Variants in CDH7 observed in about 807,000 individuals in gnomAD.
CDH7 encodes the protein cadherin-7.
A neutral mutation model predicts 71.8 loss-of-function variants in CDH7; 25 were observed. That is an observed-to-expected ratio of 0.35 (90% CI 0.25 to 0.49). The LOEUF is 0.49. Ranked by LOEUF, CDH7 falls within the 20% of genes least tolerant of loss-of-function variation. CDH7 has a pLI of 0.99. For synonymous variants in CDH7, 381 were observed against 363.8 expected (o/e 1.05, Z -0.54); for missense variants, 862 against 974.6 (o/e 0.88, Z 1.54).
At chr18:65,808,861 G>A (rs1281106726) in intron 2 of CDH7, among the ~76,000 whole-genome samples, 2 of 152,150 alleles carry the variant, frequency 1.3e-5, no homozygotes, top group Admixed American at 6.6e-5. Context: ...GGATTGAGTA[G>A]CGCGTTTGTC....
chr18:65,792,390 A>G (rs2143860909), intron 2 of CDH7, among the ~76,000 whole-genome samples: 1 of 152,218 alleles, frequency 6.6e-6, no homozygotes, highest in African/African-American at 2.4e-5. Context: ...GTAAACCTTG[A>G]AAAGGTTCCC....
intron 2 of CDH7, among the ~76,000 whole-genome samples, chr18:65,781,672 C>A (rs1910192411): frequency 6.6e-6 from 1 of 152,012 alleles, no homozygotes. Flanking sequence ...TCTGTCACAT[C>A]TTAATAGCTG....
intron 4 of CDH7, among the ~76,000 whole-genome samples, chr18:65,818,127 T>A (rs4941355): frequency 0.88 from 133,249 of 152,186 alleles, 59,596 homozygotes; most frequent in East Asian, 0.99. Flanking sequence ...TAAAATATAA[T>A]GCGGTATATT....
chr18:65,880,353 C>T, intron 11 of CDH7, 48 bp from the exon 12 acceptor site: 1 of 1,506,122 alleles, frequency 6.6e-7, no homozygotes, highest in South Asian at 1.4e-5. Context: ...TGACGTGGGG[C>T]AATGGGTGAG....
rs557450699 is a variant in CDH7, at chr18:65,814,474, T to C, written c.506-11T>C. ...AGTTTTTAATTCAGTGGTTTTGGGA[T>C]TGGCATCTAGGGACCTCAGTGGTAC... On this transcript the variant is annotated splice_polypyrimidine_tract_variant and intron_variant, in intron 3 of 11. Coordinates refer to ENST00000397968, the MANE Select transcript of CDH7 (RefSeq NM_004361.5). 3 of 1,613,950 alleles carry C rather than the reference T, an allele frequency of 1.9e-6. No individual in the cohort carries two copies. Among genetic ancestry groups the C allele is most frequent in the Non-Finnish European group, 2.5e-6 (3 of 1,179,888 alleles).
At chr18:65,822,998 G>T (rs900705252) in intron 5 of CDH7, among the ~76,000 whole-genome samples, 7 of 151,742 alleles carry the variant, frequency 4.6e-5, no homozygotes, top group African/African-American at 1.7e-4. Flanking sequence ...AGAAAATAAA[G>T]AGATTGTACA....
chr18:65,775,904 CCCT>C (rs1909924731), intron 2 of CDH7, among the ~76,000 whole-genome samples: 1 of 152,156 alleles, frequency 6.6e-6, no homozygotes, highest in South Asian at 2.1e-4. Flanking sequence ...TGCCAGGTAT[CCCT>C]CCTCCTCAAA....
chr18:65,777,929 C>T (rs1408427162), intron 2 of CDH7, among the ~76,000 whole-genome samples: 2 of 152,076 alleles, frequency 1.3e-5, no homozygotes, highest in South Asian at 2.1e-4. Context: ...TTATGCTGAT[C>T]TACAAGAAAA....
intron 2 of CDH7, among the ~76,000 whole-genome samples, chr18:65,775,450 T>A (rs570103367): frequency 1.3e-5 from 2 of 152,346 alleles, no homozygotes; most frequent in East Asian, 3.9e-4. Flanking sequence ...TAGTTGTTAA[T>A]AATAGTGGTA....
chr18:65,857,770 C>A (rs1913415601), intron 7 of CDH7, 46 bp from the exon 8 acceptor site: 5 of 1,580,758 alleles, frequency 3.2e-6, no homozygotes, highest in South Asian at 1.1e-5. Context: ...AAATTATAAT[C>A]AAACGTACAT....
chr18:65,838,043 G>C (rs999608810), intron 6 of CDH7, among the ~76,000 whole-genome samples: 6 of 150,570 alleles, frequency 4.0e-5, no homozygotes, highest in Non-Finnish European at 8.8e-5. Context: ...TCCTGCCTCA[G>C]CCTCTCCAGT....
At position 65,885,999 on chromosome 18, in the gene CDH7, T is replaced by C. The variant is rs1914366486; in HGVS notation, c.*5105T>C. The C allele has an allele frequency of 6.6e-6, 1 of 152,202 alleles. No homozygotes were observed. Among genetic ancestry groups the C allele is most frequent in the East Asian group, 1.9e-4 (1 of 5,190 alleles). The allele number at this position is 152,202 out of a possible 1,614,324, so 9.4% of individuals were successfully genotyped here. A position where few individuals can be genotyped will look rare whatever the true frequency, so the allele number is the denominator to read the frequency against. On this transcript the variant is annotated 3_prime_UTR_variant, in exon 12 of 12. Coordinates refer to ENST00000397968, the MANE Select transcript of CDH7 (RefSeq NM_004361.5). ...TGAATTATTTGTTATTAAATGTTACTGGGCTTTGGTGTCAGTGTGGTATAC... is the reference window on the plus strand; with the variant it reads ...TGAATTATTTGTTATTAAATGTTACCGGGCTTTGGTGTCAGTGTGGTATAC...
At chr18:65,817,808 T>A in intron 4 of CDH7, among the ~76,000 whole-genome samples, 1 of 152,322 alleles carries the variant, frequency 6.6e-6, no homozygotes, top group East Asian at 1.9e-4. Context: ...AATTCATTTA[T>A]AATTTGCATT....
chr18:65,755,241 C>G (rs12960823), intron 1 of CDH7, among the ~76,000 whole-genome samples: 54,066 of 151,974 alleles, frequency 0.36, 10,003 homozygotes, highest in Middle Eastern at 0.48. Context: ...GGATCAGTAC[C>G]TAGCTGTGTG....
chr18:65,771,669 C>G (rs1474082324), intron 2 of CDH7, among the ~76,000 whole-genome samples: 1 of 150,384 alleles, frequency 6.6e-6, no homozygotes, highest in Non-Finnish European at 1.5e-5. Context: ...AAGTGAGACT[C>G]TGCCTCAAAA....
intron 9 of CDH7, 77 bp downstream of exon 9, chr18:65,859,123 C>T (rs1243890689): frequency 3.7e-6 from 5 of 1,354,738 alleles, no homozygotes; most frequent in Non-Finnish European, 3.1e-6. Context: ...CTTTGAAATT[C>T]TTCCAGCTTT....
At chr18:65,832,671 T>C (rs1256248812) in intron 6 of CDH7, among the ~76,000 whole-genome samples, 1 of 152,140 alleles carries the variant, frequency 6.6e-6, no homozygotes, top group East Asian at 1.9e-4. Context: ...ACCAGTTAAA[T>C]AGGATTTCAA....
chr18:65,781,769 T>C (rs1910202802), intron 2 of CDH7, among the ~76,000 whole-genome samples: 1 of 78,794 alleles, frequency 1.3e-5, no homozygotes, highest in African/African-American at 5.1e-5. Context: ...TTTCTTTCTT[T>C]CCTTCCTTCC....
intron 4 of CDH7, among the ~76,000 whole-genome samples, chr18:65,818,140 T>C (rs1423888971): frequency 6.6e-6 from 1 of 152,216 alleles, no homozygotes; most frequent in East Asian, 1.9e-4. Context: ...GGTATATTTA[T>C]TTTCACAATG....
Sources: allele counts gnomAD v4.1 joint callset (sites outside exome capture counted in the v4.1 genomes callset), GRCh38; gene constraint gnomAD v4.1.1; transcripts MANE v1.5; gene names NCBI Gene and HGNC (gene_info 2026-07-23, HGNC 2026-07-21).